Variants in AFMID observed in about 807,000 individuals in gnomAD.
AFMID encodes the protein arylformamidase, also known as kynurenine formamidase.
AFMID carries 39 observed loss-of-function variants against 47.5 expected under a neutral mutation model. The ratio of observed to expected loss-of-function variants is 0.82; its 90% CI spans 0.64 to 1.07. The LOEUF is 1.07. AFMID is among the 50% of genes least tolerant of loss of function. The pLI is 0.00. For missense variants in AFMID, 375 were observed against 387.5 expected, an observed-to-expected ratio of 0.97 and a Z score of 0.27; for synonymous variants, 130 against 153.2, an observed-to-expected ratio of 0.85 and a Z score of 1.12.
intron 3 of AFMID, 36 bp from the exon 4 acceptor site, chr17:78,202,667 G>C: frequency 6.4e-7 from 1 of 1,571,856 alleles, no homozygotes. Flanking sequence ...TCAGCAGGGC[G>C]GGCCTTGCTC....
intron 2 of AFMID, among the ~76,000 whole-genome samples, chr17:78,194,798 G>A (rs995089256): frequency 2.0e-5 from 3 of 152,032 alleles, no homozygotes; most frequent in African/African-American, 2.4e-5. Flanking sequence ...AGGTTCAAGC[G>A]ATTCTCCTGC....
intron 2 of AFMID, among the ~76,000 whole-genome samples, chr17:78,201,545 G>T (rs1264534446): frequency 4.6e-5 from 7 of 152,090 alleles, no homozygotes; most frequent in Non-Finnish European, 8.8e-5. Flanking sequence ...CTTGGCGCCG[G>T]GAGTTTGAGA....
Position 78,206,314 on chromosome 17 carries a change from G to A in AFMID, c.885+264G>A, listed in dbSNP as rs1369520500. On this transcript the variant is annotated intron_variant, in intron 10 of 10. Transcript: ENST00000409257. ...AGATTGCACCACTGCACTCCGGCCT[G>A]AGCGACAGAGTAAGACTCTGTCTCA... 4.6e-5 allele frequency among the ~76,000 whole-genome samples: 4 copies of A among 87,552 alleles called. No individual in the cohort carries two copies. The East Asian group carries it at 1.7e-3, about 37-fold the overall frequency. 57.4% of individuals were successfully genotyped at this position (87,552 alleles called of 152,430 possible).
chr17:78,192,100 G>A (rs1287486938), intron 2 of AFMID, among the ~76,000 whole-genome samples: 1 of 151,812 alleles, frequency 6.6e-6, no homozygotes, highest in Admixed American at 6.6e-5. Flanking sequence ...CTGAGTTCAA[G>A]TGCTTCTCCT....
At chr17:78,206,624 C>T (rs1380174470) in intron 10 of AFMID, among the ~76,000 whole-genome samples, 9 of 119,374 alleles carry the variant, frequency 7.5e-5, no homozygotes, top group Admixed American at 1.8e-4. Flanking sequence ...CCAGGCTGGT[C>T]GTCGTCGTCT....
intron 2 of AFMID, among the ~76,000 whole-genome samples, chr17:78,197,849 T>C (rs1015673824): frequency 3.9e-5 from 6 of 152,060 alleles, no homozygotes; most frequent in African/African-American, 9.7e-5. Flanking sequence ...AGGGGGCCGG[T>C]GGCGCATGCC....
At chr17:78,202,477 G>A (rs376297886) in intron 2 of AFMID, 22 bp from the exon 3 acceptor site, 100 of 1,609,946 alleles carry the variant, frequency 6.2e-5, no homozygotes, top group South Asian at 2.7e-4. Flanking sequence ...TGCTGACAGC[G>A]ACTTGTCCAT....
In AFMID at chr17:78,205,305, G is replaced by C. The variant is rs570119096; in HGVS notation, c.565+115G>C. ...ATGAGTGGCTTGACCGCAGGGCTTC[G>C]AGCCCTCTGAGCAAGGCCTTCTCTG... On this transcript the variant is annotated intron_variant, in intron 7 of 10. Transcript: ENST00000409257. 21 of 1,405,028 alleles carry C rather than the reference G, an allele frequency of 1.5e-5. No individual in the cohort carries two copies. The African/African-American group carries it at 2.3e-4, about 15-fold the overall frequency. The allele number at this position is 1,405,028 out of a possible 1,614,324, so 87.0% of individuals were successfully genotyped here.
chr17:78,189,616 T>C (rs913860255), intron 1 of AFMID, among the ~76,000 whole-genome samples: 1 of 151,468 alleles, frequency 6.6e-6, no homozygotes, highest in Non-Finnish European at 1.5e-5. Flanking sequence ...CTTCCTGGGC[T>C]CAAGCGATTC....
In AFMID at chr17:78,205,380, G is replaced by A. The variant is rs371708396; in HGVS notation, c.566-60G>A. 4.3e-5 allele frequency: 68 copies of A among 1,587,120 alleles called. No homozygotes were observed. The African/African-American group carries it at 7.0e-4, about 16-fold the overall frequency. ...TCCTGCCCCTCTGGCGGTGGGGGTGGGCTGGCCCTGCCTTGCTCCGCCTGG... is the reference window on the plus strand; with the variant it reads ...TCCTGCCCCTCTGGCGGTGGGGGTGAGCTGGCCCTGCCTTGCTCCGCCTGG... On this transcript the variant is annotated intron_variant, in intron 7 of 10. Coordinates refer to ENST00000409257, the MANE Select transcript of AFMID (RefSeq NM_001010982.5).
intron 6 of AFMID, 38 bp from the exon 7 acceptor site, chr17:78,205,055 T>TGC (rs1198700650): frequency 5.1e-6 from 8 of 1,582,408 alleles, no homozygotes; most frequent in Non-Finnish European, 6.9e-6. Context: ...GTGGGGAAAC[T>TGC]GCGTGCAAAT....
chr17:78,200,315 C>T (rs2076214884), intron 2 of AFMID, among the ~76,000 whole-genome samples: 1 of 152,104 alleles, frequency 6.6e-6, no homozygotes, highest in Non-Finnish European at 1.5e-5. Context: ...CCACCACGCC[C>T]AGATAATTTT....
chr17:78,192,379 A>G (rs566858450), intron 2 of AFMID, among the ~76,000 whole-genome samples: 10 of 144,222 alleles, frequency 6.9e-5, no homozygotes, highest in African/African-American at 2.6e-4. Flanking sequence ...CAAAGGTGCA[A>G]TCTCGGCTCA....
rs150385065 is a variant in AFMID, at chr17:78,199,878, G to C, written c.155-2621G>C. Among the ~76,000 whole-genome samples the C allele has an allele frequency of 1.3e-3, 205 of 152,322 alleles. 2 individuals are homozygous for C. Among genetic ancestry groups the C allele is most frequent in the African/African-American group, 4.7e-3 (195 of 41,570 alleles). On this transcript the variant is annotated intron_variant, in intron 2 of 10. Transcript: ENST00000409257. ...GGTGCCTGAGCACAGCTGTGAGAAG[G>C]GGGTATCTGGATCCTTGGGGTGACA...
chr17:78,202,024 C>A (rs1345172648), intron 2 of AFMID, among the ~76,000 whole-genome samples: 1 of 151,890 alleles, frequency 6.6e-6, no homozygotes, highest in African/African-American at 2.4e-5. Context: ...GCCACTGCAC[C>A]CAGCCTGGCA....
In AFMID at chr17:78,206,900, T is replaced by C; in HGVS notation, c.886-11T>C. 6.2e-7 allele frequency: 1 copy of C among 1,613,952 alleles called. No individual in the cohort carries two copies. Among genetic ancestry groups the C allele is most frequent in the Non-Finnish European group, 8.5e-7 (1 of 1,179,928 alleles). ...ATTCTGGGGCTTTTGTGTCTTCTCT[T>C]CCTGTTCCAGATTATCTTGAAAACA... is the stretch of plus-strand genomic sequence containing the variant. On this transcript the variant is annotated splice_polypyrimidine_tract_variant and intron_variant, in intron 10 of 10. Transcript: ENST00000409257.
chr17:78,205,893 C>A (rs1484167889), intron 9 of AFMID, 53 bp from the exon 10 acceptor site: 2 of 1,597,168 alleles, frequency 1.3e-6, no homozygotes, highest in Non-Finnish European at 1.7e-6. Flanking sequence ...CATGTCCTGC[C>A]CCACCTCCCC....
At position 78,189,469 on chromosome 17, in the gene AFMID, C is replaced by T. The variant is rs191235651; in HGVS notation, c.64-1501C>T. ...AACTCCTGACCTCAGGTGATTCACC[C>T]GCCTCAGCCTCCCAAAGTGCTGGGA... On this transcript the variant is annotated intron_variant, in intron 1 of 10. Transcript: ENST00000409257. Among the ~76,000 whole-genome samples the T allele has an allele frequency of 6.1e-4, 93 of 151,586 alleles. 2 individuals carry two copies. The highest frequency in any genetic ancestry group is 6.1e-3 in the Admixed American group (92 of 15,196).
chr17:78,192,194 A>G (rs2075988419), intron 2 of AFMID, among the ~76,000 whole-genome samples: 1 of 137,754 alleles, frequency 7.3e-6, no homozygotes, highest in African/African-American at 2.8e-5. Flanking sequence ...TTTTTTTAGT[A>G]GAGATATGGT....
Sources: allele counts gnomAD v4.1 joint callset (sites outside exome capture counted in the v4.1 genomes callset), GRCh38; gene constraint gnomAD v4.1.1; transcripts MANE v1.5; gene names NCBI Gene and HGNC (gene_info 2026-07-23, HGNC 2026-07-21).